FRK: variants seen among roughly 807,000 people sequenced by gnomAD.
The protein encoded by FRK is fyn related Src family tyrosine kinase.
FRK carries 51 observed loss-of-function variants against 56.4 expected under a neutral mutation model. That is an observed-to-expected ratio of 0.90 (90% CI 0.72 to 1.14). FRK has a LOEUF of 1.14. Among genes scored for constraint, FRK ranks in the 50% most tolerant of loss-of-function variants. The pLI is 0.00. For synonymous variants in FRK, 245 were observed against 217.9 expected, an observed-to-expected ratio of 1.12 and a Z score of -1.10; for missense variants, 570 against 601.4, an observed-to-expected ratio of 0.95 and a Z score of 0.55.
chr6:116,040,573 C>T (rs1052803012), intron 1 of FRK, among the ~76,000 whole-genome samples: 4 of 152,034 alleles, frequency 2.6e-5, no homozygotes, highest in African/African-American at 9.7e-5. Flanking sequence ...CAAATTGCAC[C>T]CGTTATTATA....
intron 1 of FRK, among the ~76,000 whole-genome samples, chr6:116,007,861 T>G (rs967993243): frequency 6.6e-6 from 1 of 152,114 alleles, no homozygotes; most frequent in African/African-American, 2.4e-5. Context: ...CAATACAGCA[T>G]TTGAAAGTTG....
chr6:116,001,976 G>C (rs889371454), intron 2 of FRK, among the ~76,000 whole-genome samples: 3 of 152,010 alleles, frequency 2.0e-5, no homozygotes, highest in Admixed American at 2.0e-4. Flanking sequence ...GTGTATGGGG[G>C]TATAAGTATG....
the FRK span, among the ~76,000 whole-genome samples, chr6:116,079,244 T>C: frequency 6.6e-6 from 1 of 152,222 alleles, no homozygotes; most frequent in East Asian, 1.9e-4. Flanking sequence ...TATCAGACTT[T>C]TAATTTTTGC....
rs10584062 is a variant in FRK at position 116,026,542 on chromosome 6, AGAAGGAAGGAAG to A, written c.345-22556_345-22545del. ...AGGGAGGGAGGGGGGAAGGGAGGAA[AGAAGGAAGGAAG>A]GAAGGAAGGAAGGAAGGAAGGAAAG... On this transcript the variant is annotated intron_variant, in intron 1 of 7. Transcript: ENST00000606080. Among the ~76,000 whole-genome samples the A allele has an allele frequency of 3.0e-4, 42 of 138,380 alleles. 1 individual carries two copies. Among genetic ancestry groups the A allele is most frequent in the Admixed American group, 5.3e-4 (7 of 13,286 alleles). The allele number at this position is 138,380 out of a possible 152,430, so 90.8% of individuals were successfully genotyped here. A position where few individuals can be genotyped will look rare whatever the true frequency, so the allele number is the denominator to read the frequency against.
At chr6:116,092,477 G>A in the FRK span, among the ~76,000 whole-genome samples, 5 of 151,958 alleles carry the variant, frequency 3.3e-5, no homozygotes, top group South Asian at 2.1e-4. Flanking sequence ...AGAATGCATC[G>A]GTAAGAGCCA....
intron 1 of FRK, among the ~76,000 whole-genome samples, chr6:116,054,470 TATATATA>T (rs920208226): frequency 3.5e-5 from 5 of 143,792 alleles, no homozygotes; most frequent in African/African-American, 1.3e-4. Context: ...TATAATATAA[TATATATA>T]ATATATAATA....
At chr6:116,054,504 TA>T (rs11360280) in intron 1 of FRK, among the ~76,000 whole-genome samples, 7,532 of 144,866 alleles carry the variant, frequency 0.052, 236 homozygotes, top group Middle Eastern at 0.068. Context: ...TATACTATTA[TA>T]ATATTATACT....
At position 116,018,917 on chromosome 6, in the gene FRK, G is replaced by A. The variant is rs1030787915; in HGVS notation, c.345-14919C>T. Among the ~76,000 whole-genome samples the A allele has an allele frequency of 3.3e-5, 5 of 152,066 alleles. No homozygotes were observed. The East Asian group carries it at 7.7e-4, about 23-fold the overall frequency. On this transcript the variant is annotated intron_variant, in intron 1 of 7. Transcript: ENST00000606080. ...CTGTTGGAAAGAGGGCACAGTAAAG[G>A]AACATCCTAAAGCCTTAGAATTAGA...
At chr6:116,059,558 GT>G (rs550186992) in intron 1 of FRK, among the ~76,000 whole-genome samples, 1 of 151,882 alleles carries the variant, frequency 6.6e-6, no homozygotes, top group African/African-American at 2.4e-5. Flanking sequence ...TGTTTCAAAA[GT>G]TTTTTTTAAA....
At chr6:116,095,855 T>C in the FRK span, among the ~76,000 whole-genome samples, 1 of 152,212 alleles carries the variant, frequency 6.6e-6, no homozygotes, top group Non-Finnish European at 1.5e-5. Flanking sequence ...GGGAAGAGTG[T>C]TGCTTTTACA....
intron 2 of FRK, among the ~76,000 whole-genome samples, chr6:115,991,908 T>C (rs1774623950): frequency 1.3e-5 from 2 of 151,626 alleles, no homozygotes; most frequent in African/African-American, 4.8e-5. Flanking sequence ...CCTGGGATTT[T>C]TGTTGTTGGT....
chr6:116,079,714 T>C, the FRK span, among the ~76,000 whole-genome samples: 1 of 152,092 alleles, frequency 6.6e-6, no homozygotes, highest in African/African-American at 2.4e-5. Context: ...CTGTGTGCCC[T>C]GAGCAGATGG....
chr6:116,094,432 A>G, the FRK span, among the ~76,000 whole-genome samples: 1 of 152,234 alleles, frequency 6.6e-6, no homozygotes, highest in Admixed American at 6.5e-5. Flanking sequence ...CCATCCAAGG[A>G]ATCCTGGGAC....
At chr6:116,013,194 G>C (rs1775535395) in intron 1 of FRK, among the ~76,000 whole-genome samples, 1 of 152,062 alleles carries the variant, frequency 6.6e-6, no homozygotes, top group Admixed American at 6.6e-5. Flanking sequence ...ATTTATAAAA[G>C]AATCTTGTTA....
chr6:116,062,224 G>GGGAGGCCGAGGCGGGCGGAT, upstream of FRK, among the ~76,000 whole-genome samples: 1 of 152,146 alleles, frequency 6.6e-6, no homozygotes, highest in East Asian at 1.9e-4. Flanking sequence ...GCCAAAAGCT[G>GGGAGGCCGAGGCGGGCGGAT]AGCCAAATTT....
At chr6:116,067,228 A>G in the FRK span, among the ~76,000 whole-genome samples, 1 of 152,192 alleles carries the variant, frequency 6.6e-6, no homozygotes, top group African/African-American at 2.4e-5. Flanking sequence ...CTAGCTATAG[A>G]GCATGGCACT....
At chr6:116,097,143 A>C in the FRK span, among the ~76,000 whole-genome samples, 1 of 152,234 alleles carries the variant, frequency 6.6e-6, no homozygotes, top group African/African-American at 2.4e-5. Context: ...ACTAAAAAAA[A>C]ATAAAAAATA....
chr6:116,075,669 AT>A, the FRK span, among the ~76,000 whole-genome samples: 4 of 152,158 alleles, frequency 2.6e-5, no homozygotes, highest in Non-Finnish European at 5.9e-5. Context: ...GTTTTTAACA[AT>A]AAAAAAGTGC....
At chr6:116,023,159 T>C (rs1469574647) in intron 1 of FRK, among the ~76,000 whole-genome samples, 1 of 152,146 alleles carries the variant, frequency 6.6e-6, no homozygotes, top group African/African-American at 2.4e-5. Flanking sequence ...ATACCAAATA[T>C]TGGCAAAGAT....
Sources: allele counts gnomAD v4.1 joint callset (sites outside exome capture counted in the v4.1 genomes callset), GRCh38; gene constraint gnomAD v4.1.1; transcripts MANE v1.5; gene names NCBI Gene and HGNC (gene_info 2026-07-23, HGNC 2026-07-21).